Variants in CYBRD1 observed in about 807,000 individuals in gnomAD.
The protein encoded by CYBRD1 is cytochrome b reductase 1.
Under a neutral mutation model 21.9 loss-of-function variants are expected in CYBRD1, and 14 were observed. That is an observed-to-expected ratio of 0.64 (90% CI 0.42 to 1.00). CYBRD1 has a LOEUF of 1.00. Ranked by LOEUF, CYBRD1 falls within the 50% of genes least tolerant of loss-of-function variation. CYBRD1 has a pLI of 0.00. For synonymous variants in CYBRD1, 146 were observed against 136.5 expected (o/e 1.07, Z -0.48); for missense variants, 328 against 352.5 (o/e 0.93, Z 0.56).
intron 2 of CYBRD1, among the ~76,000 whole-genome samples, chr2:171,550,020 T>C (rs1385798328): frequency 6.6e-6 from 1 of 152,202 alleles, no homozygotes; most frequent in Non-Finnish European, 1.5e-5. Flanking sequence ...GGCAGTTTGT[T>C]AAAAATACAG....
chr2:171,550,187 C>A (rs936636832), intron 2 of CYBRD1, among the ~76,000 whole-genome samples: 1 of 152,160 alleles, frequency 6.6e-6, no homozygotes, highest in African/African-American at 2.4e-5. Flanking sequence ...CTCACTGCAA[C>A]CTCCGCCATC....
At chr2:171,531,154 CAA>C (rs5836342) in intron 1 of CYBRD1, among the ~76,000 whole-genome samples, 12 of 114,668 alleles carry the variant, frequency 1.0e-4, no homozygotes, top group Admixed American at 2.0e-4. Context: ...GACCCTGTCT[CAA>C]AAAAAAAAAA....
chr2:171,539,221 T>C (rs528361183), intron 1 of CYBRD1, among the ~76,000 whole-genome samples: 22 of 152,294 alleles, frequency 1.4e-4, no homozygotes, highest in African/African-American at 5.3e-4. Flanking sequence ...CTGTAGTTCA[T>C]GCCTGTAATC....
intron 2 of CYBRD1, chr2:171,550,947 CT>C: frequency 5.2e-6 from 1 of 190,530 alleles, no homozygotes; most frequent in Non-Finnish European, 1.1e-5. Flanking sequence ...GCCCCATTTT[CT>C]TTTCCTTTCT....
intron 1 of CYBRD1, chr2:171,523,195 C>CT (rs1697335449): frequency 8.3e-6 from 3 of 360,650 alleles, no homozygotes; most frequent in East Asian, 1.2e-4. Flanking sequence ...CGCGGAAACA[C>CT]TTTCGCCTCA....
intron 1 of CYBRD1, among the ~76,000 whole-genome samples, chr2:171,530,799 A>AGGT (rs1419358307): frequency 6.6e-6 from 1 of 152,214 alleles, no homozygotes; most frequent in East Asian, 1.9e-4. Context: ...TCCAGTTTAC[A>AGGT]GGTGACTCCT....
intron 1 of CYBRD1, among the ~76,000 whole-genome samples, chr2:171,533,823 G>C (rs564549336): frequency 6.9e-6 from 1 of 145,412 alleles, no homozygotes; most frequent in South Asian, 2.2e-4. Context: ...CCAGGTTGGA[G>C]TGCAGTGGCT....
intron 1 of CYBRD1, among the ~76,000 whole-genome samples, chr2:171,538,041 C>A (rs1697570644): frequency 6.6e-6 from 1 of 152,090 alleles, no homozygotes; most frequent in Non-Finnish European, 1.5e-5. Context: ...CTTTGGGAGG[C>A]CAGGGTGGGC....
chr2:171,532,202 A>C (rs936582914), intron 1 of CYBRD1, among the ~76,000 whole-genome samples: 1 of 152,232 alleles, frequency 6.6e-6, no homozygotes, highest in African/African-American at 2.4e-5. Context: ...TGCAGAGGGA[A>C]ATGAGTTGTG....
chr2:171,523,181 G>C, intron 1 of CYBRD1: 1 of 355,258 alleles, frequency 2.8e-6, no homozygotes, highest in Non-Finnish European at 5.8e-6. Flanking sequence ...TGCGCGATCG[G>C]GGGCGCGGAA....
At position 171,522,979 on chromosome 2, in the gene CYBRD1, G is replaced by A. The variant is rs555499880; in HGVS notation, c.193+241G>A. 4.1e-5 allele frequency: 24 copies of A among 590,572 alleles called. No individual in the cohort carries two copies. The East Asian group carries it at 6.9e-4, about 17-fold the overall frequency. The allele number at this position is 590,572 out of a possible 1,614,324, so 36.6% of individuals were successfully genotyped here. Reference sequence around the variant, plus strand: ...GCGAGCGCGGGGCCGGGGGTGCGCGGTGGAGACGCGCTGCTGGGGGCGGCG... The same window carrying A: ...GCGAGCGCGGGGCCGGGGGTGCGCGATGGAGACGCGCTGCTGGGGGCGGCG... On this transcript the variant is annotated intron_variant, in intron 1 of 3. Transcript: ENST00000321348. The surrounding 1 kb of genome is among the most constrained non-coding windows in gnomAD (Gnocchi z 4.3).
At chr2:171,549,775 C>G (rs1016464957) in intron 2 of CYBRD1, among the ~76,000 whole-genome samples, 7 of 152,298 alleles carry the variant, frequency 4.6e-5, no homozygotes, top group Middle Eastern at 6.8e-3. Flanking sequence ...TTCCTTAGCT[C>G]TTAAGAACTT....
rs1574429042 is a variant in CYBRD1 at position 171,522,845 on chromosome 2, G to C, written c.193+107G>C. ...AGCTGAGGAAGTGCTGGAGGATCGC[G>C]GGGCCCGGAGGAGTGCGGTGAGGAG... On this transcript the variant is annotated intron_variant, in intron 1 of 3. Transcript: ENST00000321348. The surrounding 1 kb of genome is among the most constrained non-coding windows in gnomAD (Gnocchi z 4.3). The C allele has an allele frequency of 2.6e-6, 4 of 1,530,946 alleles. No homozygotes were observed. In the South Asian group the frequency reaches 3.7e-5, roughly 14 times the overall value. 94.8% of individuals were successfully genotyped at this position (1,530,946 alleles called of 1,614,324 possible).
At chr2:171,523,764 G>C (rs974978768) in intron 1 of CYBRD1, among the ~76,000 whole-genome samples, 21 of 152,206 alleles carry the variant, frequency 1.4e-4, no homozygotes, top group Admixed American at 1.4e-3. Context: ...TCGGTTTGCC[G>C]TGTAGCTGGA....
In CYBRD1 at chr2:171,558,106, A is replaced by G. The variant is rs1049891588; in HGVS notation, c.*3279A>G. 6.6e-6 allele frequency: 1 copy of G among 151,536 alleles called. No homozygotes were observed. Among genetic ancestry groups the G allele is most frequent in the Non-Finnish European group, 1.5e-5 (1 of 67,892 alleles). The allele number at this position is 151,536 out of a possible 1,614,324, so 9.4% of individuals were successfully genotyped here. A position where few individuals can be genotyped will look rare whatever the true frequency, so the allele number is the denominator to read the frequency against. ...TCTATTTTTTCTTGACTTCTTTTATATAGTAATAAAAGTTATTTTGGAAGC... is the reference window on the plus strand; with the variant it reads ...TCTATTTTTTCTTGACTTCTTTTATGTAGTAATAAAAGTTATTTTGGAAGC... On this transcript the variant is annotated 3_prime_UTR_variant, in exon 4 of 4. Transcript: ENST00000321348.
chr2:171,528,717 C>T (rs1024254585), intron 1 of CYBRD1, among the ~76,000 whole-genome samples: 13 of 152,194 alleles, frequency 8.5e-5, no homozygotes, highest in African/African-American at 3.1e-4. Flanking sequence ...TGTTTGCCTA[C>T]TCAAACTCTC....
Position 171,536,155 on chromosome 2 carries a change from G to A in CYBRD1, c.194-5430G>A, listed in dbSNP as rs527599940. Among the ~76,000 whole-genome samples the A allele has an allele frequency of 1.6e-4, 11 of 68,252 alleles. No individual in the cohort carries two copies. The South Asian group carries it at 3.8e-3, about 23-fold the overall frequency. 44.8% of individuals were successfully genotyped at this position (68,252 alleles called of 152,430 possible). A position where few individuals can be genotyped will look rare whatever the true frequency, so the allele number is the denominator to read the frequency against. The stretch of plus-strand genomic sequence containing the variant: ...ACTCTTTTTTTTTTTTTTTTTTTGA[G>A]ACAGTGTCTTGCTGTGTCACCCAGG... On this transcript the variant is annotated intron_variant, in intron 1 of 3. Coordinates refer to ENST00000321348, the MANE Select transcript of CYBRD1 (RefSeq NM_024843.4).
chr2:171,524,604 C>T (rs1341615985), intron 1 of CYBRD1, among the ~76,000 whole-genome samples: 1 of 152,188 alleles, frequency 6.6e-6, no homozygotes, highest in African/African-American at 2.4e-5. Flanking sequence ...TGTCACATCA[C>T]ATGTATGTAA....
intron 1 of CYBRD1, among the ~76,000 whole-genome samples, chr2:171,538,039 G>A (rs879484430): frequency 6.6e-6 from 1 of 152,128 alleles, no homozygotes; most frequent in Non-Finnish European, 1.5e-5. Flanking sequence ...CACTTTGGGA[G>A]GCCAGGGTGG....
Sources: gnomAD v4.1 joint callset for allele counts (sites outside exome capture counted in the v4.1 genomes callset) on GRCh38, gnomAD v4.1.1 for gene constraint, Gnocchi (gnomAD v3.1) non-coding constraint, MANE v1.5 for transcripts, NCBI Gene and HGNC (gene_info 2026-07-23, HGNC 2026-07-21) for gene names.